The following PIEZO1 variants were observed in gnomAD, a reference collection of about 807,000 sequenced individuals.
The protein encoded by PIEZO1 is piezo-type mechanosensitive ion channel component 1.
In PIEZO1, 296 loss-of-function variants were observed where a neutral mutation model predicts 297.2. The ratio of observed to expected loss-of-function variants is 1.00; its 90% CI spans 0.91 to 1.10. The LOEUF (loss-of-function observed/expected upper bound fraction) is 1.10, where lower values mean the gene tolerates loss of function less well. Among genes scored for constraint, PIEZO1 ranks in the 50% least tolerant of loss-of-function variants. The pLI is 0.00. For missense variants in PIEZO1, 5,018 were observed against 3,455.5 expected (o/e 1.45, Z -11.34); for synonymous variants, 2,427 against 1,507.5 (o/e 1.61, Z -14.13).
intron 36 of PIEZO1, 73 bp downstream of exon 36, chr16:88,722,145 C>CA (rs1023961558): frequency 4.3e-5 from 66 of 1,520,752 alleles, no homozygotes; most frequent in Non-Finnish European, 5.8e-5. Flanking sequence ...CGGTCACAGT[C>CA]AGTCTCCTGC....
Position 88,719,466 on chromosome 16 carries a change from C to T in PIEZO1, c.6471+108G>A, listed in dbSNP as rs1227137967. On this transcript the variant is annotated intron_variant, in intron 44 of 50. Transcript: ENST00000301015. ...CCTCATGTCCCCATGGGCTCCGAGC[C>T]CTGGGAGGGCCTCCAGCACCACGGG... 5.5e-6 allele frequency: 6 copies of T among 1,099,478 alleles called. No homozygotes were observed. The Admixed American group carries it at 1.4e-4, about 25-fold the overall frequency. The allele number at this position is 1,099,478 out of a possible 1,614,324, so 68.1% of individuals were successfully genotyped here.
intron 40 of PIEZO1, 37 bp from the exon 41 acceptor site, chr16:88,720,569 G>GCCCCCCCCCCCCCCC: frequency 1.6e-6 from 2 of 1,216,674 alleles, no homozygotes; most frequent in Non-Finnish European, 1.1e-6. Flanking sequence ...CCCAGTACCC[G>GCCCCCCCCCCCCCCC]CCTCCCCACC....
At position 88,734,417 on chromosome 16, in the gene PIEZO1, G is replaced by C. The variant is rs1216963400; in HGVS notation, c.2119C>G (p.Gln707Glu). 2 of 1,549,756 alleles carry C rather than the reference G, an allele frequency of 1.3e-6. No homozygotes were observed. Among genetic ancestry groups the C allele is most frequent in the South Asian group, 1.2e-5 (1 of 84,040 alleles). ...GACACGTGCTCCATGTCGGTGAGCT[G>C]CATGAAGGGCCTGTGGAAGTAGTGC... ...QLHYFHRPFM[Q>E]LTDMEHVSLP... is the part of the protein sequence containing the mutation. Residue 707 changes from glutamine to glutamate, a missense_variant, in exon 16 of 51, where the codon CAG becomes GAG. Gln to Glu is a conservative substitution (Grantham distance 29). Transcript: ENST00000301015.
intron 10 of PIEZO1, chr16:88,737,317 A>G (rs1905286392): frequency 6.2e-6 from 3 of 481,078 alleles, no homozygotes; most frequent in Non-Finnish European, 1.1e-5. Context: ...CTTGGGGATC[A>G]ACGACGCGGC....
Position 88,725,051 on chromosome 16 carries a change from G to T in PIEZO1, c.4192C>A (p.Pro1398Thr). 1 of 1,499,240 alleles carries T rather than the reference G, an allele frequency of 6.7e-7. No homozygotes were observed. Among genetic ancestry groups the T allele is most frequent in the Non-Finnish European group, 8.9e-7 (1 of 1,126,896 alleles). The allele number at this position is 1,499,240 out of a possible 1,614,324, so 92.9% of individuals were successfully genotyped here. A position where few individuals can be genotyped will look rare whatever the true frequency, so the allele number is the denominator to read the frequency against. Residue 1398 changes from proline (P) to threonine (T), a missense_variant, in exon 30 of 51, where the codon CCA (proline) becomes ACA (threonine). Coordinates refer to ENST00000301015, the MANE Select transcript of PIEZO1 (RefSeq NM_001142864.4). ...CAGGGCCGCCACCACTGCCTCCGTGGCGGGGAGGAGCCCCCTGGACTGTCG... is the reference window on the plus strand; with the variant it reads ...CAGGGCCGCCACCACTGCCTCCGTGTCGGGGAGGAGCCCCCTGGACTGTCG... Reference protein sequence around the residue: ...GPDSPGGSSPPRRQWWRPWLD... With the variant: ...GPDSPGGSSPTRRQWWRPWLD...
chr16:88,719,404 G>T (rs1485645956), intron 44 of PIEZO1, 170 bp downstream of exon 44: 6 of 630,996 alleles, frequency 9.5e-6, no homozygotes, highest in Non-Finnish European at 1.4e-5. Context: ...CAGCTGCCAA[G>T]ATCACTGGCC....
At chr16:88,779,554 G>C (rs1382789595) in intron 1 of PIEZO1, among the ~76,000 whole-genome samples, 1 of 152,218 alleles carries the variant, frequency 6.6e-6, no homozygotes, top group South Asian at 2.1e-4. Flanking sequence ...CCAGAACTTG[G>C]ACTTCTGGCT....
At chr16:88,744,784 C>G (rs989779631) in intron 2 of PIEZO1, among the ~76,000 whole-genome samples, 1 of 152,058 alleles carries the variant, frequency 6.6e-6, no homozygotes, top group African/African-American at 2.4e-5. Context: ...GGAGGCCACT[C>G]CTGGCCACGT....
intron 1 of PIEZO1, among the ~76,000 whole-genome samples, chr16:88,765,859 A>T (rs1907152331): frequency 6.6e-6 from 1 of 151,944 alleles, no homozygotes; most frequent in Non-Finnish European, 1.5e-5. Flanking sequence ...TTTTCAGTAG[A>T]GATGGGGTTT....
rs941487041 is a variant in PIEZO1, at chr16:88,736,915, A to G, written c.1196-176T>C. Reference sequence around the variant, plus strand: ...TGGGCTGACACCGTCCCTGAGCGTCAGGGATGGCCCTGCCAGCACCTGCCG... The same window carrying G: ...TGGGCTGACACCGTCCCTGAGCGTCGGGGATGGCCCTGCCAGCACCTGCCG... On this transcript the variant is annotated intron_variant, in intron 10 of 50. Transcript: ENST00000301015. 18 of 504,428 alleles carry G rather than the reference A, an allele frequency of 3.6e-5. 1 individual carries two copies. Among genetic ancestry groups the G allele is most frequent in the Non-Finnish European group, 6.3e-5 (18 of 283,766 alleles). The allele number at this position is 504,428 out of a possible 1,614,324, so 31.2% of individuals were successfully genotyped here. A position where few individuals can be genotyped will look rare whatever the true frequency, so the allele number is the denominator to read the frequency against.
intron 1 of PIEZO1, among the ~76,000 whole-genome samples, chr16:88,757,005 G>C (rs996608355): frequency 6.6e-6 from 1 of 152,124 alleles, no homozygotes; most frequent in South Asian, 2.1e-4. Flanking sequence ...GAACCCAGGA[G>C]ATGGAGCTTG....
At chr16:88,748,727 G>A (rs563919942) in intron 2 of PIEZO1, among the ~76,000 whole-genome samples, 34 of 152,146 alleles carry the variant, frequency 2.2e-4, no homozygotes, top group African/African-American at 6.3e-4. Context: ...CCTGCAACAC[G>A]GATCAGAAAA....
At position 88,722,082 on chromosome 16, in the gene PIEZO1, CGT is replaced by C; in HGVS notation, c.4956-18_4956-17del. The C allele has an allele frequency of 6.5e-7, 1 of 1,540,618 alleles. No individual in the cohort carries two copies. Among genetic ancestry groups the C allele is most frequent in the Non-Finnish European group, 8.8e-7 (1 of 1,142,632 alleles). On this transcript the variant is annotated splice_polypyrimidine_tract_variant and intron_variant, in intron 36 of 50. Coordinates refer to ENST00000301015, the MANE Select transcript of PIEZO1 (RefSeq NM_001142864.4). Reference sequence around the variant, plus strand: ...GCGCAGGCGCCTACAGGGAGACCCGCGTGTTTGGGGGAGTCTGGGACTGCCCG... The same window carrying C: ...GCGCAGGCGCCTACAGGGAGACCCGCGTTTGGGGGAGTCTGGGACTGCCCG...
At chr16:88,774,120 C>T (rs928615984) in intron 1 of PIEZO1, among the ~76,000 whole-genome samples, 3 of 152,206 alleles carry the variant, frequency 2.0e-5, no homozygotes, top group African/African-American at 2.4e-5. Context: ...GCTGGGTGGG[C>T]GTGGCCTGAG....
At chr16:88,763,778 C>T (rs974269667) in intron 1 of PIEZO1, among the ~76,000 whole-genome samples, 11 of 152,282 alleles carry the variant, frequency 7.2e-5, no homozygotes, top group East Asian at 1.9e-4. Flanking sequence ...TAAACAAGGT[C>T]GCTCTGTGAC....
At chr16:88,724,537 A>AT (rs1415048058) in intron 30 of PIEZO1, among the ~76,000 whole-genome samples, 1 of 151,258 alleles carries the variant, frequency 6.6e-6, no homozygotes, top group African/African-American at 2.4e-5. Context: ...TCTCCAAAAA[A>AT]AAAAAAAAAA....
intron 1 of PIEZO1, among the ~76,000 whole-genome samples, chr16:88,754,805 G>A (rs997905401): frequency 3.3e-5 from 5 of 152,206 alleles, no homozygotes; most frequent in Admixed American, 1.3e-4. Context: ...GAAAGACTGC[G>A]GCCCACACGG....
At chr16:88,779,817 C>T (rs1381205567) in intron 1 of PIEZO1, among the ~76,000 whole-genome samples, 1 of 152,200 alleles carries the variant, frequency 6.6e-6, no homozygotes, top group Non-Finnish European at 1.5e-5. Context: ...GACGGACCCC[C>T]GGCCACCGCG....
In PIEZO1 at chr16:88,737,524, G is replaced by A. The variant is rs568422816; in HGVS notation, c.1195+35C>T. 9.8e-4 allele frequency: 1,384 copies of A among 1,412,676 alleles called. 19 individuals are homozygous for A. The African/African-American group carries it at 0.018, about 19-fold the overall frequency. The allele number at this position is 1,412,676 out of a possible 1,614,324, so 87.5% of individuals were successfully genotyped here. On this transcript the variant is annotated intron_variant, in intron 10 of 50. Transcript: ENST00000301015. ...AGCACCGGCCTCCGCCCCGCCCCCCGCACCCAGCCATACCTTGCAGTGTGC... is the reference window on the plus strand; with the variant it reads ...AGCACCGGCCTCCGCCCCGCCCCCCACACCCAGCCATACCTTGCAGTGTGC...
Sources: gnomAD v4.1 joint callset for allele counts (sites outside exome capture counted in the v4.1 genomes callset) on GRCh38, gnomAD v4.1.1 for gene constraint, MANE v1.5 for transcripts, NCBI Gene and HGNC (gene_info 2026-07-23, HGNC 2026-07-21) for gene names.